ZNF148: variants seen among roughly 807,000 people sequenced by gnomAD.
ZNF148 encodes zinc finger protein 148, also known as Beta-Enolase Repressor Factor-1.
A neutral mutation model predicts 67.7 loss-of-function variants in ZNF148; 7 were observed. The observed-to-expected ratio is 0.10, with a 90% CI of 0.06 to 0.19. The LOEUF is 0.19. Ranked by LOEUF, ZNF148 falls within the 10% of genes least tolerant of loss-of-function variation. The pLI is 1.00. For missense variants in ZNF148, 583 were observed against 947.1 expected, an observed-to-expected ratio of 0.62 and a Z score of 5.05; for synonymous variants, 333 against 330.7, an observed-to-expected ratio of 1.01 and a Z score of -0.08.
At chr3:125,255,410 C>T (rs944807503) in intron 7 of ZNF148, among the ~76,000 whole-genome samples, 2 of 151,914 alleles carry the variant, frequency 1.3e-5, no homozygotes, top group African/African-American at 4.8e-5. Context: ...CCATGCCTAG[C>T]TAATTTTTGT....
chr3:125,235,842 T>C (rs1361240479), intron 7 of ZNF148, among the ~76,000 whole-genome samples: 1 of 149,974 alleles, frequency 6.7e-6, no homozygotes, highest in Non-Finnish European at 1.5e-5. Context: ...CAGCAAACTA[T>C]CACAAGGACA....
At chr3:125,311,666 ATTG>A (rs898570231) in intron 4 of ZNF148, among the ~76,000 whole-genome samples, 6 of 152,168 alleles carry the variant, frequency 3.9e-5, no homozygotes, top group South Asian at 4.1e-4. Context: ...AAAAAAGGGA[ATTG>A]TTAAGACAGT....
intron 1 of ZNF148, among the ~76,000 whole-genome samples, chr3:125,341,629 A>T (rs558065379): frequency 6.6e-6 from 1 of 152,100 alleles, no homozygotes; most frequent in Non-Finnish European, 1.5e-5. Context: ...ATAAGCAAAT[A>T]AATAAAAACT....
At chr3:125,271,675 A>C (rs1937745996) in intron 7 of ZNF148, among the ~76,000 whole-genome samples, 1 of 152,226 alleles carries the variant, frequency 6.6e-6, no homozygotes, top group African/African-American at 2.4e-5. Flanking sequence ...TGCTGTGTGG[A>C]TAAAGTGAGA....
intron 1 of ZNF148, among the ~76,000 whole-genome samples, chr3:125,367,850 C>A (rs1009843738): frequency 6.6e-6 from 1 of 152,168 alleles, no homozygotes; most frequent in Admixed American, 6.5e-5. Context: ...TTACACTATA[C>A]GAAGACGGAA....
chr3:125,232,789 A>G lies in ZNF148; in HGVS notation c.1937T>C (p.Ile646Thr). The change falls in exon 9 of 9, where the codon ATA becomes ACA. Residue 646 changes from isoleucine to threonine, a missense_variant. By Grantham distance (89) the Ile-to-Thr change is moderately conservative (BLOSUM62 -1). Transcript: ENST00000360647. The surrounding 1 kb of genome is among the most constrained non-coding windows in gnomAD (Gnocchi z 4.2). ...TLPNQPAFSS[I>T]DKQVYATMPI... Reference sequence around the variant, plus strand: ...CATGGTGGCATAGACCTGCTTGTCTATGGAAGAGAATGCTGGCTGATTTGG... The same window carrying G: ...CATGGTGGCATAGACCTGCTTGTCTGTGGAAGAGAATGCTGGCTGATTTGG... 1.2e-6 allele frequency: 2 copies of G among 1,613,878 alleles called. No homozygotes were observed. Among genetic ancestry groups the G allele is most frequent in the Non-Finnish European group, 1.7e-6 (2 of 1,179,804 alleles).
chr3:125,256,353 G>C (rs1278466302), intron 7 of ZNF148, among the ~76,000 whole-genome samples: 1 of 135,528 alleles, frequency 7.4e-6, no homozygotes, highest in African/African-American at 2.9e-5. Context: ...GGGTCAAAGA[G>C]CGAGACTCCA....
rs141800692 is a variant in ZNF148 at position 125,336,221 on chromosome 3, G to A, written c.-233-4983C>T. The stretch of plus-strand genomic sequence containing the variant: ...CTTTAAATCAAAAGCCCAAAGCAAT[G>A]AAAGGATAAATTACAGCACACATGG... On this transcript the variant is annotated intron_variant, in intron 1 of 8. Transcript: ENST00000360647. 9.7e-4 allele frequency among the ~76,000 whole-genome samples: 148 copies of A among 152,246 alleles called. 2 individuals are homozygous for A. Among genetic ancestry groups the A allele is most frequent in the Non-Finnish European group, 3.4e-4 (23 of 67,984 alleles).
chr3:125,271,896 G>T (rs1037427011), intron 7 of ZNF148, among the ~76,000 whole-genome samples: 1 of 152,162 alleles, frequency 6.6e-6, no homozygotes, highest in Non-Finnish European at 1.5e-5. Flanking sequence ...CTGTCTGGGT[G>T]TTTGCCGGTC....
chr3:125,373,262 G>T (rs1187916647), intron 1 of ZNF148, among the ~76,000 whole-genome samples: 1 of 151,288 alleles, frequency 6.6e-6, no homozygotes, highest in African/African-American at 2.4e-5. Context: ...CTGGCATGGT[G>T]GGGTTTCACA....
At chr3:125,359,540 T>C (rs1394506192) in intron 1 of ZNF148, among the ~76,000 whole-genome samples, 1 of 152,196 alleles carries the variant, frequency 6.6e-6, no homozygotes, top group African/African-American at 2.4e-5. Flanking sequence ...TCCACTTTAG[T>C]TCCCTTAGGA....
At chr3:125,367,145 C>T (rs1321194998) in intron 1 of ZNF148, among the ~76,000 whole-genome samples, 1 of 152,220 alleles carries the variant, frequency 6.6e-6, no homozygotes, top group Non-Finnish European at 1.5e-5. Context: ...CCATCATTTT[C>T]TGAAACCTTG....
intron 7 of ZNF148, among the ~76,000 whole-genome samples, chr3:125,238,922 T>C (rs1936218590): frequency 6.6e-6 from 1 of 152,220 alleles, no homozygotes; most frequent in African/African-American, 2.4e-5. Flanking sequence ...TGAAGTATTA[T>C]TCACCTAGAA....
At chr3:125,240,917 G>A (rs1936324899) in intron 7 of ZNF148, among the ~76,000 whole-genome samples, 1 of 152,128 alleles carries the variant, frequency 6.6e-6, no homozygotes, top group Non-Finnish European at 1.5e-5. Flanking sequence ...AGTCAAAAAT[G>A]AATGCAAACA....
At chr3:125,324,008 A>C (rs1360257752) in intron 2 of ZNF148, among the ~76,000 whole-genome samples, 1 of 151,882 alleles carries the variant, frequency 6.6e-6, no homozygotes, top group African/African-American at 2.4e-5. Flanking sequence ...TGGAGTCTAC[A>C]GCCTCAAAGA....
chr3:125,323,260 T>C, intron 3 of ZNF148, 49 bp downstream of exon 3: 1 of 498,066 alleles, frequency 2.0e-6, no homozygotes, highest in Non-Finnish European at 3.5e-6. Context: ...ACTTCATATT[T>C]GAAAAAACTT....
intron 7 of ZNF148, among the ~76,000 whole-genome samples, chr3:125,259,140 A>T (rs1329834993): frequency 6.6e-6 from 1 of 152,184 alleles, no homozygotes; most frequent in Non-Finnish European, 1.5e-5. Context: ...CACATATCCA[A>T]TAAATGAAAA....
intron 5 of ZNF148, among the ~76,000 whole-genome samples, chr3:125,287,686 T>C (rs1213783891): frequency 6.6e-6 from 1 of 152,134 alleles, no homozygotes; most frequent in Admixed American, 6.5e-5. Context: ...TGTCTCCTAT[T>C]CCAGGCTCTT....
At chr3:125,352,244 TG>T (rs1942180182) in intron 1 of ZNF148, among the ~76,000 whole-genome samples, 2 of 152,114 alleles carry the variant, frequency 1.3e-5, no homozygotes, top group South Asian at 2.1e-4. Context: ...TGCTGACACA[TG>T]CTACATCATG....
Sources: gnomAD v4.1 joint callset for allele counts (sites outside exome capture counted in the v4.1 genomes callset) on GRCh38, gnomAD v4.1.1 for gene constraint, Gnocchi (gnomAD v3.1) non-coding constraint, MANE v1.5 for transcripts, NCBI Gene and HGNC (gene_info 2026-07-23, HGNC 2026-07-21) for gene names.